GPD2: variants seen among roughly 807,000 people sequenced by gnomAD.
GPD2 encodes glycerol-3-phosphate dehydrogenase, mitochondrial.
GPD2 carries 54 observed loss-of-function variants against 82.4 expected under a neutral mutation model. The ratio of observed to expected loss-of-function variants is 0.66; its 90% confidence interval spans 0.53 to 0.82. The LOEUF (loss-of-function observed/expected upper bound fraction) is 0.82, where lower values mean the gene tolerates loss of function less well. Among genes scored for constraint, GPD2 ranks in the 40% least tolerant of loss-of-function variants. The pLI, the probability that GPD2 is intolerant of heterozygous loss-of-function variation, is 0.00. For synonymous variants in GPD2, 288 were observed against 306.1 expected, an observed-to-expected ratio of 0.94 and a Z score of 0.62; for missense variants, 748 against 896.2, an observed-to-expected ratio of 0.83 and a Z score of 2.11.
the GPD2 span, among the ~76,000 whole-genome samples, chr2:156,412,364 G>A: frequency 6.6e-5 from 10 of 151,886 alleles, no homozygotes; most frequent in Admixed American, 5.3e-4. Flanking sequence ...GCTTGAACCC[G>A]GGAGGCGGAG....
Position 156,510,833 on chromosome 2 carries a change from A to T in GPD2, c.312A>T (p.Ser104=). 1 of 1,613,178 alleles carries T rather than the reference A, an allele frequency of 6.2e-7. No homozygotes were observed. ...KTALVERDDF[S]SGTSSRSTKL... ...CCCTTGTAGAAAGAGATGATTTCTC[A>T]TCAGGGACCAGCAGCAGAAGCACTA... Residue 104 remains serine (S), a synonymous_variant, in exon 4 of 17, where the codon TCA becomes TCT. Coordinates refer to ENST00000438166, the MANE Select transcript of GPD2 (RefSeq NM_000408.5).
At chr2:156,411,281 T>C in the GPD2 span, among the ~76,000 whole-genome samples, 1 of 152,180 alleles carries the variant, frequency 6.6e-6, no homozygotes, top group African/African-American at 2.4e-5. Context: ...TTTGTATAAC[T>C]TTCCAGTCAC....
At chr2:156,504,027 A>G (rs1684689807) in intron 3 of GPD2, among the ~76,000 whole-genome samples, 1 of 152,166 alleles carries the variant, frequency 6.6e-6, no homozygotes, top group Non-Finnish European at 1.5e-5. Flanking sequence ...GTGTGTACTT[A>G]ACAAACATTA....
At chr2:156,441,951 A>C (rs1682188972) in intron 1 of GPD2, among the ~76,000 whole-genome samples, 1 of 152,184 alleles carries the variant, frequency 6.6e-6, no homozygotes. Flanking sequence ...TACATCTTTT[A>C]ATTATTCAGG....
At chr2:156,431,091 C>G (rs1486221130), upstream of GPD2, among the ~76,000 whole-genome samples, 1 of 152,130 alleles carries the variant, frequency 6.6e-6, no homozygotes, top group Non-Finnish European at 1.5e-5. Context: ...ATTTTTGTGG[C>G]CATATGAGGA....
intron 8 of GPD2, among the ~76,000 whole-genome samples, chr2:156,556,012 T>G (rs923381970): frequency 1.3e-5 from 2 of 152,230 alleles, no homozygotes; most frequent in Non-Finnish European, 2.9e-5. Flanking sequence ...TCACTCCTTG[T>G]GGTTTAAATA....
At chr2:156,546,217 G>A (rs938622948) in intron 6 of GPD2, among the ~76,000 whole-genome samples, 2 of 152,116 alleles carry the variant, frequency 1.3e-5, no homozygotes, top group African/African-American at 2.4e-5. Context: ...AAAGCTATTC[G>A]GTGATTAGTG....
At chr2:156,490,871 C>T (rs987027739) in intron 2 of GPD2, among the ~76,000 whole-genome samples, 8 of 152,188 alleles carry the variant, frequency 5.3e-5, no homozygotes, top group Non-Finnish European at 5.9e-5. Context: ...TTACATAATT[C>T]ACTTATTTTT....
chr2:156,499,443 T>C (rs1037787359), intron 3 of GPD2, among the ~76,000 whole-genome samples: 7 of 151,990 alleles, frequency 4.6e-5, no homozygotes, highest in African/African-American at 1.4e-4. Context: ...TGATAAGGGG[T>C]CATGAAGTTA....
rs914734775 is a variant in GPD2 at position 156,585,368 on chromosome 2, G to A, written c.*2450G>A. On this transcript the variant is annotated 3_prime_UTR_variant, in exon 17 of 17. Transcript: ENST00000438166. ...TGCAGGGATTGCCTTTTATTATCAAGTGATTTATTTCAAGAGCCTTTGAGG... is the reference window on the plus strand; with the variant it reads ...TGCAGGGATTGCCTTTTATTATCAAATGATTTATTTCAAGAGCCTTTGAGG... 2.6e-5 allele frequency: 4 copies of A among 152,324 alleles called. No individual in the cohort carries two copies. Among genetic ancestry groups the A allele is most frequent in the African/African-American group, 4.8e-5 (2 of 41,384 alleles). The allele number at this position is 152,324 out of a possible 1,614,324, so 9.4% of individuals were successfully genotyped here. A position where few individuals can be genotyped will look rare whatever the true frequency, so the allele number is the denominator to read the frequency against.
At chr2:156,400,764 G>C in the GPD2 span, among the ~76,000 whole-genome samples, 1 of 152,182 alleles carries the variant, frequency 6.6e-6, no homozygotes, top group Non-Finnish European at 1.5e-5. Context: ...ATATGCTTTC[G>C]GCTGGGGGAT....
the GPD2 span, among the ~76,000 whole-genome samples, chr2:156,409,989 T>G: frequency 1.3e-5 from 2 of 152,118 alleles, no homozygotes; most frequent in African/African-American, 4.8e-5. Context: ...GAGGCTACAG[T>G]GTGCTATGAT....
intron 1 of GPD2, among the ~76,000 whole-genome samples, chr2:156,472,382 G>C (rs1010234250): frequency 1.3e-5 from 2 of 152,074 alleles, no homozygotes; most frequent in Non-Finnish European, 2.9e-5. Context: ...GTGCAGTGGC[G>C]CAGTCTCGGC....
At chr2:156,533,975 A>G (rs1195706478) in intron 6 of GPD2, among the ~76,000 whole-genome samples, 1 of 152,202 alleles carries the variant, frequency 6.6e-6, no homozygotes, top group African/African-American at 2.4e-5. Context: ...CATCTGCAGA[A>G]AGCTAAAGCG....
chr2:156,491,087 C>A (rs1558925181), intron 2 of GPD2, among the ~76,000 whole-genome samples: 1 of 152,108 alleles, frequency 6.6e-6, no homozygotes, highest in African/African-American at 2.4e-5. Context: ...TCTTTCATGC[C>A]CTTTGTAGTC....
At chr2:156,517,136 A>AT (rs953198490) in intron 6 of GPD2, among the ~76,000 whole-genome samples, 25 of 151,966 alleles carry the variant, frequency 1.6e-4, no homozygotes, top group African/African-American at 6.0e-4. Context: ...CATTTTATAT[A>AT]TTTTTTTTAA....
chr2:156,579,329 C>CTTT (rs59446199), intron 15 of GPD2, among the ~76,000 whole-genome samples, 165 bp downstream of exon 15: 2 of 135,210 alleles, frequency 1.5e-5, no homozygotes, highest in Admixed American at 7.4e-5. Context: ...TTTTTTCTTT[C>CTTT]TTTTTTTTTT....
At chr2:156,561,040 C>CTTTTTGTTTTTTTTTTTTT (rs1687149522) in intron 9 of GPD2, among the ~76,000 whole-genome samples, 2 of 27,624 alleles carry the variant, frequency 7.2e-5, no homozygotes, top group African/African-American at 1.4e-4. Context: ...TGACATTAAG[C>CTTTTTGTTTTTTTTTTTTT]TTTTTTTTTT....
At chr2:156,579,669 C>A in intron 15 of GPD2, 21 bp from the exon 16 acceptor site, 1 of 1,089,792 alleles carries the variant, frequency 9.2e-7, no homozygotes, top group Non-Finnish European at 1.4e-6. Context: ...CTGTATTATT[C>A]TATGCTTTTC....
Sources: gnomAD v4.1 joint callset for allele counts (sites outside exome capture counted in the v4.1 genomes callset) on GRCh38, gnomAD v4.1.1 for gene constraint, MANE v1.5 for transcripts, NCBI Gene and HGNC (gene_info 2026-07-23, HGNC 2026-07-21) for gene names.